Variants in ADAMTSL1 observed in about 807,000 individuals in gnomAD.
ADAMTSL1 encodes the protein ADAMTS like 1.
Under a neutral mutation model 201.8 loss-of-function variants are expected in ADAMTSL1, and 126 were observed. That is an observed-to-expected ratio of 0.62 (90% confidence interval 0.54 to 0.72). ADAMTSL1 has a LOEUF of 0.72. Ranked by LOEUF, ADAMTSL1 falls within the 30% of genes least tolerant of loss-of-function variation. The pLI is 0.00. For synonymous variants in ADAMTSL1, 1,121 were observed against 903.4 expected (o/e 1.24, Z -4.32); for missense variants, 2,679 against 2,277.8 (o/e 1.18, Z -3.59).
intron 2 of ADAMTSL1, among the ~76,000 whole-genome samples, chr9:18,518,147 T>C (rs559358050): frequency 3.2e-4 from 48 of 152,262 alleles, no homozygotes; most frequent in African/African-American, 1.1e-3. Flanking sequence ...TCAAAAAATA[T>C]TTACTATTTT....
At chr9:18,601,536 G>T (rs1034011061) in intron 4 of ADAMTSL1, among the ~76,000 whole-genome samples, 1 of 152,158 alleles carries the variant, frequency 6.6e-6, no homozygotes, top group African/African-American at 2.4e-5. Context: ...ATTAGCCATG[G>T]CCAGGGGATG....
At chr9:18,751,804 G>C (rs1350345776) in intron 15 of ADAMTSL1, among the ~76,000 whole-genome samples, 1 of 152,304 alleles carries the variant, frequency 6.6e-6, no homozygotes, top group South Asian at 2.1e-4. Flanking sequence ...GAAGGGCAAG[G>C]AAAGGGCAAA....
In ADAMTSL1 at chr9:18,474,252, C is replaced by G. The variant is rs374239134; in HGVS notation, c.20C>G (p.Ala7Gly). 2 of 1,614,044 alleles carry G rather than the reference C, an allele frequency of 1.2e-6. No individual in the cohort carries two copies. Among genetic ancestry groups the G allele is most frequent in the East Asian group, 2.2e-5 (1 of 44,896 alleles). Residue 7 changes from alanine (A) to glycine (G), a missense_variant, in exon 1 of 29, where the codon GCA becomes GGA. Transcript: ENST00000380548. MECCRR[A>G]TPGTLLLFLA... is the part of the protein sequence containing the mutation. ...CCAAGCATGGAATGCTGCCGTCGGG[C>G]AACTCCTGGCACACTGCTCCTCTTT...
chr9:18,871,946 T>G (rs1436653181), intron 23 of ADAMTSL1, among the ~76,000 whole-genome samples: 1 of 152,196 alleles, frequency 6.6e-6, no homozygotes, highest in East Asian at 1.9e-4. Flanking sequence ...AAGACCAGAT[T>G]CTGGCCTTCA....
intron 22 of ADAMTSL1, among the ~76,000 whole-genome samples, chr9:18,828,660 T>TTATATATATATA (rs1554643931): frequency 8.1e-4 from 23 of 28,526 alleles, no homozygotes; most frequent in South Asian, 1.8e-3. Flanking sequence ...GAAAGTATAT[T>TTATATATATATA]TATATATATA....
chr9:18,592,704 G>A (rs1824003334), intron 4 of ADAMTSL1, among the ~76,000 whole-genome samples: 2 of 152,006 alleles, frequency 1.3e-5, no homozygotes, highest in Non-Finnish European at 2.9e-5. Context: ...GGCTATTCTG[G>A]GTCTTTTGTG....
At position 18,650,361 on chromosome 9, in the gene ADAMTSL1, C is replaced by T. The variant is rs550052013; in HGVS notation, c.835-7278C>T. Reference sequence around the variant, plus strand: ...GCACTTCCTGAGTGAGGCAATGCCTCGCCCTGCTTCGGCTCGTGCACAGCG... The same window carrying T: ...GCACTTCCTGAGTGAGGCAATGCCTTGCCCTGCTTCGGCTCGTGCACAGCG... On this transcript the variant is annotated intron_variant, in intron 7 of 28. Coordinates refer to ENST00000380548, the MANE Select transcript of ADAMTSL1 (RefSeq NM_001040272.6). Among the ~76,000 whole-genome samples the T allele has an allele frequency of 5.3e-5, 8 of 152,292 alleles. 1 individual carries two copies. The South Asian group carries it at 8.3e-4, about 16-fold the overall frequency.
intron 2 of ADAMTSL1, among the ~76,000 whole-genome samples, chr9:18,383,663 A>T (rs1395281703): frequency 6.6e-6 from 1 of 152,180 alleles, no homozygotes; most frequent in Non-Finnish European, 1.5e-5. Flanking sequence ...TAGATCCTGA[A>T]TTAATCAGAT....
At chr9:18,693,850 T>C (rs892218590) in intron 13 of ADAMTSL1, among the ~76,000 whole-genome samples, 26 of 152,314 alleles carry the variant, frequency 1.7e-4, no homozygotes, top group Admixed American at 5.9e-4. Flanking sequence ...AAGATGTTAA[T>C]AGGGGACCTA....
At chr9:18,866,736 C>T (rs919156671) in intron 23 of ADAMTSL1, among the ~76,000 whole-genome samples, 1 of 152,158 alleles carries the variant, frequency 6.6e-6, no homozygotes, top group Non-Finnish European at 1.5e-5. Context: ...TTAACAAAGA[C>T]TCCCAGCAAC....
chr9:18,718,211 A>G (rs1833085694), intron 14 of ADAMTSL1: 2 of 773,396 alleles, frequency 2.6e-6, no homozygotes, highest in Non-Finnish European at 4.8e-6. Flanking sequence ...GAACATCATC[A>G]GTGTCTTTAA....
At chr9:18,148,900 C>T (rs976518318) in intron 1 of ADAMTSL1, among the ~76,000 whole-genome samples, 1 of 152,058 alleles carries the variant, frequency 6.6e-6, no homozygotes, top group Non-Finnish European at 1.5e-5. Context: ...TACATGTTTA[C>T]ACTTTAGACC....
chr9:18,789,455 C>G (rs1162082068), intron 19 of ADAMTSL1, among the ~76,000 whole-genome samples: 1 of 152,194 alleles, frequency 6.6e-6, no homozygotes, highest in Non-Finnish European at 1.5e-5. Context: ...AGTCTGTCCT[C>G]TGAACCACTG....
chr9:18,620,707 G>C (rs1348194902), intron 4 of ADAMTSL1, among the ~76,000 whole-genome samples: 1 of 152,130 alleles, frequency 6.6e-6, no homozygotes, highest in Non-Finnish European at 1.5e-5. Context: ...GAGGCAAACT[G>C]CTCCTCAGCT....
chr9:18,536,950 G>A (rs1472298185), intron 3 of ADAMTSL1, among the ~76,000 whole-genome samples: 1 of 151,938 alleles, frequency 6.6e-6, no homozygotes, highest in Non-Finnish European at 1.5e-5. Flanking sequence ...TATCCTTAAG[G>A]TTCATATGAG....
chr9:18,727,765 T>C (rs1017892145), intron 15 of ADAMTSL1, among the ~76,000 whole-genome samples: 1 of 152,216 alleles, frequency 6.6e-6, no homozygotes, highest in Non-Finnish European at 1.5e-5. Context: ...ATCTTGAATC[T>C]GTGAGAAATG....
chr9:18,509,647 G>C (rs1817915069), intron 2 of ADAMTSL1, among the ~76,000 whole-genome samples: 1 of 152,184 alleles, frequency 6.6e-6, no homozygotes, highest in Non-Finnish European at 1.5e-5. Flanking sequence ...AGTTCTCATA[G>C]TGATAGCAGA....
intron 2 of ADAMTSL1, among the ~76,000 whole-genome samples, chr9:18,191,975 A>G (rs925089582): frequency 6.6e-6 from 1 of 152,142 alleles, no homozygotes; most frequent in East Asian, 1.9e-4. Flanking sequence ...GATAAGTGCA[A>G]TTAAGATCTT....
Position 18,384,812 on chromosome 9 carries a change from C to CT in ADAMTSL1, c.208-120015dup, listed in dbSNP as rs1837718668. Among the ~76,000 whole-genome samples, 3 of 152,146 alleles carry CT rather than the reference C, an allele frequency of 2.0e-5. No individual in the cohort carries two copies. The South Asian group carries it at 6.2e-4, about 32-fold the overall frequency. ...TTCTCCTCCCACTGATGTTGTTGTG[C>CT]TTAATGAGCTCTCCTGATTGTACTT... is the stretch of plus-strand genomic sequence containing the variant. On this transcript the variant is annotated intron_variant, in intron 2 of 29. Transcript: ENST00000680146.
Sources: gnomAD v4.1 joint callset for allele counts (sites outside exome capture counted in the v4.1 genomes callset) on GRCh38, gnomAD v4.1.1 for gene constraint, MANE v1.5 for transcripts, NCBI Gene and HGNC (gene_info 2026-07-23, HGNC 2026-07-21) for gene names.